Variants in ATXN1 observed in about 807,000 individuals in gnomAD.
ATXN1 encodes the protein ataxin-1.
ATXN1 carries 8 observed loss-of-function variants against 56.4 expected under a neutral mutation model. The ratio of observed to expected loss-of-function variants is 0.14; its 90% CI spans 0.08 to 0.26. The LOEUF is 0.26. Ranked by LOEUF, ATXN1 falls within the 10% of genes least tolerant of loss-of-function variation. The pLI, the probability that ATXN1 is intolerant of heterozygous loss-of-function variation, is 1.00. For missense variants in ATXN1, 987 were observed against 1,106.5 expected, an observed-to-expected ratio of 0.89 and a Z score of 1.53; for synonymous variants, 514 against 494.6, an observed-to-expected ratio of 1.04 and a Z score of -0.52.
intron 6 of ATXN1, among the ~76,000 whole-genome samples, chr6:16,399,396 T>C (rs970914855): frequency 1.3e-5 from 2 of 152,186 alleles, no homozygotes; most frequent in Admixed American, 6.5e-5. Flanking sequence ...TGTCAGCAAA[T>C]AGGGCCAAGG....
chr6:16,459,077 C>T (rs1325985364), intron 6 of ATXN1, among the ~76,000 whole-genome samples: 3 of 152,248 alleles, frequency 2.0e-5, no homozygotes, highest in East Asian at 1.9e-4. Flanking sequence ...TTTCTCCCAC[C>T]TCCTCAGTTG....
At chr6:16,726,696 C>G (rs1247385973) in intron 2 of ATXN1, among the ~76,000 whole-genome samples, 1 of 151,916 alleles carries the variant, frequency 6.6e-6, no homozygotes, top group South Asian at 2.1e-4. Context: ...GAAACTCCAT[C>G]TCTACTAAAA....
At chr6:16,636,056 C>T (rs528541813) in intron 3 of ATXN1, among the ~76,000 whole-genome samples, 1 of 152,318 alleles carries the variant, frequency 6.6e-6, no homozygotes, top group South Asian at 2.1e-4. Flanking sequence ...ATTGACACCA[C>T]GGGCACTTCC....
At chr6:16,758,723 G>A (rs566594677) in intron 1 of ATXN1, among the ~76,000 whole-genome samples, 19 of 152,134 alleles carry the variant, frequency 1.2e-4, no homozygotes, top group Non-Finnish European at 2.8e-4. Flanking sequence ...ACTGGAGTAA[G>A]TGCACCGAAA....
chr6:16,620,342 A>T (rs1203164652), intron 3 of ATXN1, among the ~76,000 whole-genome samples: 4 of 151,644 alleles, frequency 2.6e-5, no homozygotes, highest in Middle Eastern at 3.4e-3. Context: ...TTCCAACCAT[A>T]ATCTATTTAT....
chr6:16,644,756 G>A (rs903287508), intron 3 of ATXN1, among the ~76,000 whole-genome samples: 2 of 151,998 alleles, frequency 1.3e-5, no homozygotes, highest in Admixed American at 6.6e-5. Flanking sequence ...TGATACTGAC[G>A]TGGCCACTCA....
intron 4 of ATXN1, among the ~76,000 whole-genome samples, chr6:16,573,107 G>A (rs1297043400): frequency 2.6e-5 from 4 of 152,254 alleles, no homozygotes; most frequent in Admixed American, 2.6e-4. Flanking sequence ...TCCTTAAGTA[G>A]GCTGACCTGG....
intron 6 of ATXN1, among the ~76,000 whole-genome samples, chr6:16,443,372 A>G (rs961697401): frequency 1.2e-4 from 19 of 152,174 alleles, no homozygotes; most frequent in Non-Finnish European, 1.6e-4. Flanking sequence ...GTTTCAGGAA[A>G]ATTTAAATAT....
At chr6:16,617,698 C>T (rs1206780842) in intron 3 of ATXN1, among the ~76,000 whole-genome samples, 3 of 138,534 alleles carry the variant, frequency 2.2e-5, no homozygotes, top group African/African-American at 5.4e-5. Context: ...ACCCGTGAGG[C>T]GGAGCTTGCA....
chr6:16,704,663 C>T (rs1759367333), intron 2 of ATXN1, among the ~76,000 whole-genome samples: 1 of 152,156 alleles, frequency 6.6e-6, no homozygotes, highest in African/African-American at 2.4e-5. Context: ...ATTCTACACC[C>T]GGGGTGAAAC....
intron 2 of ATXN1, among the ~76,000 whole-genome samples, chr6:16,708,754 G>A (rs755833589): frequency 1.2e-4 from 19 of 152,146 alleles, no homozygotes; most frequent in Middle Eastern, 3.2e-3. Flanking sequence ...AGCCAGGCAC[G>A]GTGTCTCATG....
At chr6:16,360,087 A>C (rs950603689) in intron 6 of ATXN1, among the ~76,000 whole-genome samples, 1 of 152,216 alleles carries the variant, frequency 6.6e-6, no homozygotes, top group African/African-American at 2.4e-5. Flanking sequence ...AAAAATAAAA[A>C]AGACAGAAGA....
At chr6:16,389,860 T>A (rs1256415023) in intron 6 of ATXN1, among the ~76,000 whole-genome samples, 1 of 152,072 alleles carries the variant, frequency 6.6e-6, no homozygotes, top group Admixed American at 6.5e-5. Context: ...ACAGCAGGTG[T>A]CATGTGCAAT....
At chr6:16,460,676 G>A (rs1267151583) in intron 6 of ATXN1, among the ~76,000 whole-genome samples, 2 of 152,146 alleles carry the variant, frequency 1.3e-5, no homozygotes, top group African/African-American at 4.8e-5. Flanking sequence ...CCAGACTTAT[G>A]CTTCCCAACA....
chr6:16,459,992 A>G (rs1759957884), intron 6 of ATXN1, among the ~76,000 whole-genome samples: 1 of 152,206 alleles, frequency 6.6e-6, no homozygotes, highest in Admixed American at 6.5e-5. Flanking sequence ...TCAGCAAAGA[A>G]CAAATACAGC....
At chr6:16,498,152 C>A (rs1306439144) in intron 5 of ATXN1, among the ~76,000 whole-genome samples, 2 of 152,184 alleles carry the variant, frequency 1.3e-5, no homozygotes, top group Non-Finnish European at 2.9e-5. Flanking sequence ...CTGTCCCCCA[C>A]TCCTCTCAGC....
chr6:16,480,814 T>C (rs1760423161), intron 6 of ATXN1, among the ~76,000 whole-genome samples: 1 of 151,984 alleles, frequency 6.6e-6, no homozygotes, highest in Admixed American at 6.6e-5. Flanking sequence ...TTCCTCCTCC[T>C]CTCCAAGATG....
In ATXN1 at chr6:16,738,698, T is replaced by A. The variant is rs545464831; in HGVS notation, c.-615+14535A>T. ...AGGCACTGGCCCTGGCTTAGAAATGTTATTTCATTTAGAAATGTTTCTATT... is the reference window on the plus strand; with the variant it reads ...AGGCACTGGCCCTGGCTTAGAAATGATATTTCATTTAGAAATGTTTCTATT... On this transcript the variant is annotated intron_variant, in intron 2 of 7. Coordinates refer to ENST00000436367, the MANE Select transcript of ATXN1 (RefSeq NM_001128164.2). 3 of 152,364 alleles carry A rather than the reference T, an allele frequency of 2.0e-5. No individual in the cohort carries two copies. The South Asian group carries it at 6.2e-4, about 32-fold the overall frequency. 9.4% of individuals were successfully genotyped at this position (152,364 alleles called of 1,614,324 possible). A position where few individuals can be genotyped will look rare whatever the true frequency, so the allele number is the denominator to read the frequency against.
chr6:16,390,680 TCACAC>T (rs1300676809), intron 6 of ATXN1, among the ~76,000 whole-genome samples: 4 of 147,158 alleles, frequency 2.7e-5, no homozygotes, highest in African/African-American at 1.0e-4. Context: ...AATAAACACA[TCACAC>T]ACACACACAC....
Sources: allele counts gnomAD v4.1 joint callset (sites outside exome capture counted in the v4.1 genomes callset), GRCh38; gene constraint gnomAD v4.1.1; transcripts MANE v1.5; gene names NCBI Gene and HGNC (gene_info 2026-07-23, HGNC 2026-07-21).